Variants in CDK14 observed in about 807,000 individuals in gnomAD.
The protein encoded by CDK14 is cyclin-dependent kinase 14.
A neutral mutation model predicts 60.7 loss-of-function variants in CDK14; 34 were observed. That is an observed-to-expected ratio of 0.56 (90% CI 0.43 to 0.75). The LOEUF is 0.75. Among genes scored for constraint, CDK14 ranks in the 30% least tolerant of loss-of-function variants. The pLI is 0.00. For missense variants in CDK14, 482 were observed against 564.1 expected (o/e 0.85, Z 1.47); for synonymous variants, 197 against 203.7 (o/e 0.97, Z 0.28).
chr7:90,653,270 T>C (rs886382391), intron 2 of CDK14, among the ~76,000 whole-genome samples: 9 of 152,148 alleles, frequency 5.9e-5, no homozygotes, highest in South Asian at 4.1e-4. Flanking sequence ...AACCCCCCTC[T>C]GTTTCTTCAG....
intron 5 of CDK14, among the ~76,000 whole-genome samples, chr7:90,845,103 G>T (rs965605992): frequency 2.0e-5 from 3 of 152,072 alleles, no homozygotes; most frequent in Non-Finnish European, 4.4e-5. Context: ...AGGTGGGCAG[G>T]ATTTTTACTT....
intron 2 of CDK14, among the ~76,000 whole-genome samples, chr7:90,609,375 C>T (rs578132789): frequency 2.6e-5 from 4 of 152,016 alleles, no homozygotes; most frequent in African/African-American, 4.8e-5. Flanking sequence ...TGGTTTGGAT[C>T]GTGTCCCTGC....
At chr7:90,915,050 G>A (rs903672804) in intron 7 of CDK14, among the ~76,000 whole-genome samples, 15 of 152,290 alleles carry the variant, frequency 9.8e-5, no homozygotes, top group Middle Eastern at 3.4e-3. Flanking sequence ...GGGCTTGCAG[G>A]GGTGGTCAGG....
chr7:90,994,029 A>G (rs748676062), intron 10 of CDK14, among the ~76,000 whole-genome samples: 1 of 152,238 alleles, frequency 6.6e-6, no homozygotes, highest in Non-Finnish European at 1.5e-5. Context: ...TTTTTAACAT[A>G]TATGACTACT....
rs985796615 is a variant in CDK14 at position 91,206,651 on chromosome 7, A to C, written c.*29-514A>C. ...GATGTTGGGAAGAGGCTGCCAATTCAGGTCACACTGGCCAATTTTCATTCT... is the reference window on the plus strand; with the variant it reads ...GATGTTGGGAAGAGGCTGCCAATTCCGGTCACACTGGCCAATTTTCATTCT... On this transcript the variant is annotated intron_variant, in intron 14 of 14. Transcript: ENST00000380050. Among the ~76,000 whole-genome samples, 4 of 152,332 alleles carry C rather than the reference A, an allele frequency of 2.6e-5. No individual in the cohort carries two copies. The South Asian group carries it at 6.2e-4, about 24-fold the overall frequency.
At chr7:90,635,483 A>T (rs1286722264) in intron 2 of CDK14, among the ~76,000 whole-genome samples, 1 of 152,162 alleles carries the variant, frequency 6.6e-6, no homozygotes, top group Non-Finnish European at 1.5e-5. Flanking sequence ...GTTCTGTTCC[A>T]TTGATCTATA....
chr7:90,820,503 C>T (rs1220720174), intron 5 of CDK14, among the ~76,000 whole-genome samples: 2 of 152,182 alleles, frequency 1.3e-5, no homozygotes, highest in Non-Finnish European at 2.9e-5. Context: ...CTGCCTCGCT[C>T]TGTCTCTCCT....
At chr7:91,189,543 G>T (rs1802293245) in intron 14 of CDK14, among the ~76,000 whole-genome samples, 1 of 152,062 alleles carries the variant, frequency 6.6e-6, no homozygotes, top group South Asian at 2.1e-4. Context: ...ATTTTACTCA[G>T]ATTCTAATTA....
chr7:90,663,980 G>T (rs1800918733), intron 2 of CDK14, among the ~76,000 whole-genome samples: 2 of 151,806 alleles, frequency 1.3e-5, no homozygotes, highest in Non-Finnish European at 2.9e-5. Flanking sequence ...CACAGCAAAA[G>T]AAACTACCAT....
intron 5 of CDK14, among the ~76,000 whole-genome samples, chr7:90,841,289 T>G (rs919581047): frequency 6.6e-6 from 1 of 152,120 alleles, no homozygotes; most frequent in Non-Finnish European, 1.5e-5. Context: ...GAACATGAAC[T>G]GTGGACCTCA....
At chr7:90,986,441 C>T (rs949275655) in intron 10 of CDK14, among the ~76,000 whole-genome samples, 2 of 151,966 alleles carry the variant, frequency 1.3e-5, no homozygotes, top group Non-Finnish European at 2.9e-5. Context: ...CTCTTATTCA[C>T]TTTATTGAGA....
intron 2 of CDK14, among the ~76,000 whole-genome samples, chr7:90,657,847 C>T (rs144870446): frequency 6.6e-6 from 1 of 152,288 alleles, no homozygotes; most frequent in African/African-American, 2.4e-5. Context: ...TGCAACAACC[C>T]TATAAGCTCC....
chr7:90,841,522 A>G (rs958470752), intron 5 of CDK14, among the ~76,000 whole-genome samples: 3 of 152,092 alleles, frequency 2.0e-5, no homozygotes, highest in African/African-American at 7.2e-5. Context: ...GGTGGTAACT[A>G]AACATGTTGC....
At chr7:91,203,337 T>C (rs944486271) in intron 14 of CDK14, among the ~76,000 whole-genome samples, 7 of 152,184 alleles carry the variant, frequency 4.6e-5, no homozygotes, top group Non-Finnish European at 8.8e-5. Flanking sequence ...TTCCCCTTTA[T>C]TCATTCAACA....
At chr7:90,966,242 T>C (rs1794746934) in intron 9 of CDK14, among the ~76,000 whole-genome samples, 1 of 152,190 alleles carries the variant, frequency 6.6e-6, no homozygotes, top group African/African-American at 2.4e-5. Flanking sequence ...TCAGCTTCCA[T>C]ATATAAAATT....
At chr7:91,039,649 T>C (rs1311733073) in intron 10 of CDK14, among the ~76,000 whole-genome samples, 6 of 152,198 alleles carry the variant, frequency 3.9e-5, no homozygotes, top group Admixed American at 2.0e-4. Flanking sequence ...TTTTTAAGAT[T>C]TCCATGCCAA....
At chr7:91,195,695 GA>G (rs1251218859) in intron 14 of CDK14, among the ~76,000 whole-genome samples, 2 of 152,200 alleles carry the variant, frequency 1.3e-5, no homozygotes, top group Non-Finnish European at 2.9e-5. Flanking sequence ...GCATCCTAAA[GA>G]AGACAATTAT....
Position 90,665,147 on chromosome 7 carries a change from T to C in CDK14, c.123+60898T>C, listed in dbSNP as rs567626819. Among the ~76,000 whole-genome samples, 18 of 151,746 alleles carry C rather than the reference T, an allele frequency of 1.2e-4. No homozygotes were observed. The South Asian group carries it at 3.8e-3, about 32-fold the overall frequency. ...ATAAATTTAAAAAATTAGCTGGGCA[T>C]AGTGGCGGGCGCCTGTAGTCCCAGC... is the stretch of plus-strand genomic sequence containing the variant. On this transcript the variant is annotated intron_variant, in intron 2 of 14. Transcript: ENST00000380050.
chr7:91,024,916 C>T (rs1796532591), intron 10 of CDK14, among the ~76,000 whole-genome samples: 1 of 152,156 alleles, frequency 6.6e-6, no homozygotes, highest in Non-Finnish European at 1.5e-5. Context: ...TCCTTATACC[C>T]CACTAATAGT....
Sources: allele counts gnomAD v4.1 joint callset (sites outside exome capture counted in the v4.1 genomes callset), GRCh38; gene constraint gnomAD v4.1.1; transcripts MANE v1.5; gene names NCBI Gene and HGNC (gene_info 2026-07-23, HGNC 2026-07-21).